ADAMTS2: variants seen among roughly 807,000 people sequenced by gnomAD.
ADAMTS2 encodes A disintegrin and metalloproteinase with thrombospondin motifs 2.
In ADAMTS2, 50 loss-of-function variants were observed where a neutral mutation model predicts 123.0. The ratio of observed to expected loss-of-function variants is 0.41; its 90% CI spans 0.32 to 0.51. ADAMTS2 has a LOEUF of 0.51. Among genes scored for constraint, ADAMTS2 ranks in the 20% least tolerant of loss-of-function variants. ADAMTS2 has a pLI of 0.35. For missense variants in ADAMTS2, 1,494 were observed against 1,705.2 expected (o/e 0.88, Z 2.18); for synonymous variants, 678 against 695.4 (o/e 0.98, Z 0.39).
At chr5:179,274,636 C>G (rs547175405) in intron 2 of ADAMTS2, among the ~76,000 whole-genome samples, 1 of 152,334 alleles carries the variant, frequency 6.6e-6, no homozygotes, top group South Asian at 2.1e-4. Flanking sequence ...TCTCCCTGAC[C>G]CCAGGTGCTC....
Position 179,128,768 on chromosome 5 carries a change from C to T in ADAMTS2, c.2458-650G>A, listed in dbSNP as rs1457737835. 6.6e-6 allele frequency among the ~76,000 whole-genome samples: 1 copy of T among 152,162 alleles called. No individual in the cohort carries two copies. Among genetic ancestry groups the T allele is most frequent in the East Asian group, 1.9e-4 (1 of 5,196 alleles). ...TTAACACTGAACTCACAGTCAATCGCACTGCAGCCCATGCCTGAACGAAGC... is the reference window on the plus strand; with the variant it reads ...TTAACACTGAACTCACAGTCAATCGTACTGCAGCCCATGCCTGAACGAAGC... On this transcript the variant is annotated intron_variant, in intron 16 of 21. Coordinates refer to ENST00000251582, the MANE Select transcript of ADAMTS2 (RefSeq NM_014244.5). This position sits in a 1 kb window ranked among gnomAD's most constrained non-coding sequence, Gnocchi z 4.9.
rs770322492 is a variant in ADAMTS2 at position 179,273,010 on chromosome 5, C to G, written c.589G>C (p.Gly197Arg). ...EEFFIEPLEKGLAAQEAEQGR... is the reference protein window; with the variant it reads ...EEFFIEPLEKRLAAQEAEQGR... ...TGCTCAGCCTCCTGCGCCGCCAGCC[C>G]CTTCTCCAAGGGTTCGATGAAGAAC... Residue 197 changes from glycine (G) to arginine (R), a missense_variant, in exon 3 of 22, where the codon GGG becomes CGG. This residue lies in a region of ADAMTS2 where 184 missense variants were observed against 152.1 expected (regional missense o/e 1.21). Coordinates refer to ENST00000251582, the MANE Select transcript of ADAMTS2 (RefSeq NM_014244.5). 6.8e-6 allele frequency: 11 copies of G among 1,613,436 alleles called. No individual in the cohort carries two copies. Among genetic ancestry groups the G allele is most frequent in the Non-Finnish European group, 9.3e-6 (11 of 1,180,026 alleles).
At chr5:179,265,407 G>C (rs1766341097) in intron 3 of ADAMTS2, among the ~76,000 whole-genome samples, 1 of 152,214 alleles carries the variant, frequency 6.6e-6, no homozygotes, top group Non-Finnish European at 1.5e-5. Flanking sequence ...CTGCGCACGT[G>C]GGGGCTGTCA....
At chr5:179,286,248 C>T (rs953897322) in intron 2 of ADAMTS2, among the ~76,000 whole-genome samples, 4 of 149,906 alleles carry the variant, frequency 2.7e-5, no homozygotes, top group Non-Finnish European at 3.0e-5. Flanking sequence ...AAGACCCTGT[C>T]GACAGGCCCT....
intron 2 of ADAMTS2, among the ~76,000 whole-genome samples, chr5:179,334,296 G>C (rs1270059279): frequency 6.6e-6 from 1 of 152,164 alleles, no homozygotes; most frequent in African/African-American, 2.4e-5. Flanking sequence ...TGGGGACTGG[G>C]TTTCATTCCT....
In ADAMTS2 at chr5:179,180,057, C is replaced by A. The variant is rs748325664; in HGVS notation, c.975+1015G>T. Among the ~76,000 whole-genome samples the A allele has an allele frequency of 6.6e-6, 1 of 152,182 alleles. No homozygotes were observed. Among genetic ancestry groups the A allele is most frequent in the Admixed American group, 6.5e-5 (1 of 15,286 alleles). ...CATGTCACTAAGTCACATTAAGCCT[C>A]GGTGTTCTTATCTGTGAAATGGGCA... On this transcript the variant is annotated intron_variant, in intron 5 of 21. Coordinates refer to ENST00000251582, the MANE Select transcript of ADAMTS2 (RefSeq NM_014244.5). This position sits in a 1 kb window ranked among gnomAD's most constrained non-coding sequence, Gnocchi z 4.6.
intron 8 of ADAMTS2, 88 bp downstream of exon 8, chr5:179,153,961 C>G (rs1763416378): frequency 1.3e-6 from 2 of 1,519,896 alleles, no homozygotes; most frequent in Admixed American, 3.9e-5. Flanking sequence ...TCGGAGGGCT[C>G]TGGCTCTGGT....
At chr5:179,229,730 G>A (rs571912564) in intron 3 of ADAMTS2, among the ~76,000 whole-genome samples, 56 of 152,340 alleles carry the variant, frequency 3.7e-4, no homozygotes, top group Middle Eastern at 6.8e-3. Flanking sequence ...GGCAGGAAAT[G>A]GGCCGCAGGC....
chr5:179,257,692 A>G (rs1246943997), intron 3 of ADAMTS2, among the ~76,000 whole-genome samples: 4 of 152,138 alleles, frequency 2.6e-5, no homozygotes, highest in African/African-American at 9.7e-5. Flanking sequence ...CCCGAAAGGA[A>G]AATAAAAATT....
chr5:179,231,117 G>A (rs1765403016), intron 3 of ADAMTS2, among the ~76,000 whole-genome samples: 1 of 152,126 alleles, frequency 6.6e-6, no homozygotes, highest in South Asian at 2.1e-4. Context: ...CTCCCCACAT[G>A]CACACGCATT....
At chr5:179,271,849 C>G (rs946516631) in intron 3 of ADAMTS2, among the ~76,000 whole-genome samples, 2 of 152,326 alleles carry the variant, frequency 1.3e-5, no homozygotes, top group African/African-American at 2.4e-5. Flanking sequence ...GACAGACCTA[C>G]AGTAAATGAG....
chr5:179,246,393 T>C lies in ADAMTS2; in HGVS notation c.688+26518A>G, dbSNP rs1431346627. 2.0e-5 allele frequency among the ~76,000 whole-genome samples: 3 copies of C among 152,126 alleles called. No homozygotes were observed. The East Asian group carries it at 5.8e-4, about 29-fold the overall frequency. ...TTTGTCAAAAGTATTTAAAGGTAAATGTATTAGCTGCAGACACCTGGGGCA... is the reference window on the plus strand; with the variant it reads ...TTTGTCAAAAGTATTTAAAGGTAAACGTATTAGCTGCAGACACCTGGGGCA... On this transcript the variant is annotated intron_variant, in intron 3 of 21. Transcript: ENST00000251582.
chr5:179,211,711 G>A (rs1273687840), intron 3 of ADAMTS2, among the ~76,000 whole-genome samples: 2 of 152,318 alleles, frequency 1.3e-5, no homozygotes, highest in African/African-American at 2.4e-5. Context: ...TCAGGGGAAC[G>A]GGTGGGTCAC....
At chr5:179,178,266 CCG>C (rs1491290959) in intron 5 of ADAMTS2, among the ~76,000 whole-genome samples, 77 of 98,008 alleles carry the variant, frequency 7.9e-4, no homozygotes, top group African/African-American at 2.9e-3. Flanking sequence ...AAGATCCCCC[CCG>C]CACCTCCCCG....
chr5:179,181,082 C>T lies in ADAMTS2; in HGVS notation c.965G>A (p.Ser322Asn), dbSNP rs201702236. The T allele has an allele frequency of 1.5e-5, 24 of 1,613,900 alleles. No homozygotes were observed. In the African/African-American group the frequency reaches 2.9e-4, roughly 20 times the overall value. ...CCACAGTGCACTCACCTTTCCATAGCTCAGGAGGATGATCCGCACCAGGAC... is the reference window on the plus strand; with the variant it reads ...CCACAGTGCACTCACCTTTCCATAGTTCAGGAGGATGATCCGCACCAGGAC... ...NVVLVRIILL[S>N]YGKSMSLIEI... Residue 322 changes from serine (S) to asparagine (N), a missense_variant, in exon 5 of 22, where the codon AGC becomes AAC. Around this residue, in one of 6 missense-constraint regions of ADAMTS2, gnomAD observed 70 missense variants for 85.3 expected, o/e 0.82. Transcript: ENST00000251582. The surrounding 1 kb of genome is among the most constrained non-coding windows in gnomAD (Gnocchi z 4.1).
Position 179,280,489 on chromosome 5 carries a change from G to A in ADAMTS2, c.535-7425C>T, listed in dbSNP as rs115840441. Among the ~76,000 whole-genome samples, 404 of 152,234 alleles carry A rather than the reference G, an allele frequency of 2.7e-3. 1 individual carries two copies. Among genetic ancestry groups the A allele is most frequent in the Middle Eastern group, 0.01 (3 of 294 alleles). Reference sequence around the variant, plus strand: ...ATTCATCACCCCAAAAAGAAACCCCGCACACGTTGGCAGGTACCGATCATC... The same window carrying A: ...ATTCATCACCCCAAAAAGAAACCCCACACACGTTGGCAGGTACCGATCATC... On this transcript the variant is annotated intron_variant, in intron 2 of 21. Transcript: ENST00000251582.
intron 2 of ADAMTS2, among the ~76,000 whole-genome samples, chr5:179,302,095 AGAGT>A (rs1207112572): frequency 6.6e-6 from 1 of 152,156 alleles, no homozygotes; most frequent in Non-Finnish European, 1.5e-5. Flanking sequence ...AGGGGAGTGT[AGAGT>A]GAGTAGGAAG....
chr5:179,223,907 T>G (rs1765206942), intron 3 of ADAMTS2, among the ~76,000 whole-genome samples: 1 of 152,230 alleles, frequency 6.6e-6, no homozygotes, highest in Admixed American at 6.5e-5. Flanking sequence ...GAGGTGGCCC[T>G]TGACCCCTCT....
At position 179,154,166 on chromosome 5, in the gene ADAMTS2, C is replaced by A; in HGVS notation, c.1265G>T (p.Gly422Val). 2 of 1,566,272 alleles carry A rather than the reference C, an allele frequency of 1.3e-6. No individual in the cohort carries two copies. The stretch of plus-strand genomic sequence containing the variant: ...CCGCACCTCGTCGCCACAGCGGTTG[C>A]CCTGCCCGTCGTGCTCCATGCCCAG... ...HVLGMEHDGQ[G>V]NRCGDEVRLG... The change falls in exon 8 of 22, where the codon GGC (glycine) becomes GTC (valine). Residue 422 changes from glycine to valine, a missense_variant. Around this residue, in one of 6 missense-constraint regions of ADAMTS2, gnomAD observed 953 missense variants for 1,124.7 expected, o/e 0.85. Coordinates refer to ENST00000251582, the MANE Select transcript of ADAMTS2 (RefSeq NM_014244.5).
Sources: allele counts gnomAD v4.1 joint callset (sites outside exome capture counted in the v4.1 genomes callset), GRCh38; gene constraint gnomAD v4.1.1; regional missense constraint gnomAD v4.1.1; non-coding constraint Gnocchi (gnomAD v3.1); transcripts MANE v1.5; gene names NCBI Gene and HGNC (gene_info 2026-07-23, HGNC 2026-07-21).